Variants in FHIT observed in about 807,000 individuals in gnomAD.
The protein encoded by FHIT is fragile histidine triad diadenosine triphosphatase, also known as bis(5'-adenosyl)-triphosphatase.
Under a neutral mutation model 17.9 loss-of-function variants are expected in FHIT, and 19 were observed. The observed-to-expected ratio is 1.06, with a 90% CI of 0.74 to 1.56. The LOEUF is 1.56. Ranked by LOEUF, FHIT falls within the 40% of genes most tolerant of loss-of-function variation. The probability of loss-of-function intolerance (pLI) is 0.00; values close to 1 mark genes in which losing one functional copy is unlikely to be tolerated. For missense variants in FHIT, 248 were observed against 189.2 expected (o/e 1.31, Z -1.82); for synonymous variants, 81 against 69.7 (o/e 1.16, Z -0.81).
At chr3:59,961,742 C>G (rs569439104) in intron 7 of FHIT, among the ~76,000 whole-genome samples, 1 of 152,332 alleles carries the variant, frequency 6.6e-6, no homozygotes, top group East Asian at 1.9e-4. Context: ...GTGGGCTGCA[C>G]CCACTGTCTA....
chr3:60,218,985 C>T (rs2107529891), intron 5 of FHIT, among the ~76,000 whole-genome samples: 1 of 152,216 alleles, frequency 6.6e-6, no homozygotes, highest in East Asian at 1.9e-4. Flanking sequence ...TTTCCTAGAA[C>T]TTCTTCAAAG....
intron 8 of FHIT, among the ~76,000 whole-genome samples, chr3:59,844,044 A>T (rs892134791): frequency 6.6e-6 from 1 of 152,088 alleles, no homozygotes; most frequent in Middle Eastern, 3.2e-3. Flanking sequence ...CGCTCTGGCC[A>T]TGTGACATGC....
intron 8 of FHIT, among the ~76,000 whole-genome samples, chr3:59,802,798 C>CG (rs1700051893): frequency 6.6e-6 from 1 of 152,168 alleles, no homozygotes; most frequent in Admixed American, 6.5e-5. Flanking sequence ...AAACTAGTCA[C>CG]TTCACTACTG....
At chr3:60,701,139 T>C (rs1213133393) in intron 4 of FHIT, among the ~76,000 whole-genome samples, 14 of 151,616 alleles carry the variant, frequency 9.2e-5, no homozygotes, top group Non-Finnish European at 2.1e-4. Flanking sequence ...TTTTTTTTTT[T>C]TTAAGACAGG....
intron 2 of FHIT, among the ~76,000 whole-genome samples, chr3:61,055,528 A>T (rs1402336032): frequency 6.6e-6 from 1 of 152,216 alleles, no homozygotes; most frequent in Admixed American, 6.5e-5. Flanking sequence ...ACCACGTGCT[A>T]GCCCCTCTGC....
chr3:61,223,191 C>T (rs143366926), intron 1 of FHIT, among the ~76,000 whole-genome samples: 178 of 152,286 alleles, frequency 1.2e-3, no homozygotes, highest in African/African-American at 3.9e-3. Flanking sequence ...TTCTGCCAGT[C>T]GGACAAATTC....
chr3:61,183,781 T>C (rs546764611), intron 2 of FHIT, among the ~76,000 whole-genome samples: 1 of 152,016 alleles, frequency 6.6e-6, no homozygotes, highest in South Asian at 2.1e-4. Flanking sequence ...TTCATTCTGC[T>C]GTCCTCATGA....
At chr3:59,950,915 T>C (rs769551597) in intron 7 of FHIT, among the ~76,000 whole-genome samples, 1 of 152,140 alleles carries the variant, frequency 6.6e-6, no homozygotes, top group Admixed American at 6.5e-5. Context: ...AGTAATAGTA[T>C]TAGGATGAAC....
chr3:59,974,523 T>A (rs1240507241), intron 7 of FHIT, among the ~76,000 whole-genome samples: 1 of 152,116 alleles, frequency 6.6e-6, no homozygotes, highest in African/African-American at 2.4e-5. Flanking sequence ...AGACTTTATT[T>A]TCTACCTCAT....
chr3:60,201,742 A>G (rs1222482821), intron 5 of FHIT, among the ~76,000 whole-genome samples: 2 of 152,140 alleles, frequency 1.3e-5, no homozygotes, highest in Non-Finnish European at 2.9e-5. Flanking sequence ...AGTCAATACT[A>G]ATAAATAGCT....
At chr3:60,630,329 T>C (rs1361174569) in intron 4 of FHIT, among the ~76,000 whole-genome samples, 1 of 152,190 alleles carries the variant, frequency 6.6e-6, no homozygotes, top group Non-Finnish European at 1.5e-5. Flanking sequence ...GCAAATGATT[T>C]TGAATAATCA....
At chr3:59,871,833 C>T (rs115654178) in intron 8 of FHIT, among the ~76,000 whole-genome samples, 1 of 152,300 alleles carries the variant, frequency 6.6e-6, no homozygotes, top group African/African-American at 2.4e-5. Context: ...AAAGAGGTAA[C>T]CTCCCAGAAC....
intron 3 of FHIT, among the ~76,000 whole-genome samples, chr3:61,019,429 C>T (rs1226617656): frequency 2.0e-5 from 3 of 152,104 alleles, no homozygotes; most frequent in African/African-American, 7.2e-5. Context: ...AGGAAGGAAA[C>T]AGCAAGCCAA....
intron 3 of FHIT, among the ~76,000 whole-genome samples, chr3:60,865,986 A>G (rs1263609592): frequency 6.6e-6 from 1 of 152,150 alleles, no homozygotes; most frequent in Non-Finnish European, 1.5e-5. Flanking sequence ...GCAGTAGCTA[A>G]GAAGTGACTC....
intron 5 of FHIT, among the ~76,000 whole-genome samples, chr3:60,472,610 C>T (rs1218002463): frequency 6.6e-6 from 1 of 152,092 alleles, no homozygotes; most frequent in African/African-American, 2.4e-5. Context: ...ACCTCATGAT[C>T]CGCCCGTCTC....
chr3:60,547,478 G>A (rs568256726), intron 4 of FHIT, among the ~76,000 whole-genome samples: 1 of 152,096 alleles, frequency 6.6e-6, no homozygotes, highest in Non-Finnish European at 1.5e-5. Flanking sequence ...CACATTTCTA[G>A]CCGATTACTT....
intron 5 of FHIT, among the ~76,000 whole-genome samples, chr3:60,206,131 T>TC (rs1331966484): frequency 2.7e-5 from 3 of 112,358 alleles, no homozygotes; most frequent in East Asian, 4.7e-4. Context: ...AGACTCCGTC[T>TC]CAAAAAAAAA....
At chr3:61,084,985 C>T (rs913241207) in intron 2 of FHIT, among the ~76,000 whole-genome samples, 5 of 152,158 alleles carry the variant, frequency 3.3e-5, no homozygotes, top group Admixed American at 3.3e-4. Context: ...ATGGGCTGTT[C>T]ATTCCTTTAC....
At chr3:60,563,947 C>T (rs1584341) in intron 4 of FHIT, among the ~76,000 whole-genome samples, 3 of 152,146 alleles carry the variant, frequency 2.0e-5, no homozygotes, top group Non-Finnish European at 4.4e-5. Context: ...AATAGATTTT[C>T]GATAGTGACA....
Sources: allele counts gnomAD v4.1 joint callset (sites outside exome capture counted in the v4.1 genomes callset), GRCh38; gene constraint gnomAD v4.1.1; transcripts MANE v1.5; gene names NCBI Gene and HGNC (gene_info 2026-07-23, HGNC 2026-07-21).